NCAM2: variants seen among roughly 807,000 people sequenced by gnomAD.
The protein encoded by NCAM2 is N-CAM-2.
A neutral mutation model predicts 98.1 loss-of-function variants in NCAM2; 30 were observed. That is an observed-to-expected ratio of 0.31 (90% confidence interval 0.23 to 0.41). The LOEUF is 0.41. NCAM2 is among the 10% of genes least tolerant of loss of function. The pLI, the probability that NCAM2 is intolerant of heterozygous loss-of-function variation, is 1.00. For synonymous variants in NCAM2, 368 were observed against 342.4 expected (o/e 1.07, Z -0.83); for missense variants, 867 against 1,005.8 (o/e 0.86, Z 1.87).
At chr21:21,435,748 ACTTGAGATTAAGAGTAC>A (rs1978308306) in intron 12 of NCAM2, among the ~76,000 whole-genome samples, 1 of 152,110 alleles carries the variant, frequency 6.6e-6, no homozygotes. Context: ...TATTCTTTCT[ACTTGAGATTAAGAGTAC>A]CTGTGTAATG....
At chr21:21,040,366 T>A (rs886969045) in intron 1 of NCAM2, among the ~76,000 whole-genome samples, 1 of 152,160 alleles carries the variant, frequency 6.6e-6, no homozygotes, top group Non-Finnish European at 1.5e-5. Flanking sequence ...GAATGAACCA[T>A]GACTTTATGT....
intron 12 of NCAM2, among the ~76,000 whole-genome samples, chr21:21,448,596 A>G (rs1980556055): frequency 6.6e-6 from 1 of 152,068 alleles, no homozygotes; most frequent in African/African-American, 2.4e-5. Flanking sequence ...TAAAATCTTA[A>G]TGAGTTACAG....
chr21:21,156,791 A>G (rs2067627267), intron 1 of NCAM2, among the ~76,000 whole-genome samples: 1 of 152,114 alleles, frequency 6.6e-6, no homozygotes, highest in Non-Finnish European at 1.5e-5. Context: ...AAACCTAAAC[A>G]TAAAGTTACA....
At position 21,538,206 on chromosome 21, in the gene NCAM2, G is replaced by A. The variant is rs1185204538; in HGVS notation, c.*249G>A. On this transcript the variant is annotated 3_prime_UTR_variant, in exon 18 of 18. Transcript: ENST00000400546. Reference sequence around the variant, plus strand: ...AAGACTGACTGGCACCAACACTTTGGTATTCAATTTGATTCTATGACTGAA... The same window carrying A: ...AAGACTGACTGGCACCAACACTTTGATATTCAATTTGATTCTATGACTGAA... The A allele has an allele frequency of 7.9e-6, 2 of 254,570 alleles. No individual in the cohort carries two copies. The highest frequency in any genetic ancestry group is 1.5e-5 in the Non-Finnish European group (2 of 133,548). 15.8% of individuals were successfully genotyped at this position (254,570 alleles called of 1,614,324 possible).
At chr21:21,033,140 G>A (rs984937090) in intron 1 of NCAM2, among the ~76,000 whole-genome samples, 23 of 151,964 alleles carry the variant, frequency 1.5e-4, no homozygotes, top group African/African-American at 5.3e-4. Flanking sequence ...TAGTAGAGAC[G>A]GGGTTTCACC....
chr21:21,336,276 T>G (rs1467885606), intron 7 of NCAM2, among the ~76,000 whole-genome samples: 1 of 152,000 alleles, frequency 6.6e-6, no homozygotes, highest in Non-Finnish European at 1.5e-5. Flanking sequence ...AGTGTAACAC[T>G]AAAAAATATA....
chr21:21,171,863 G>A (rs977440581), intron 1 of NCAM2, among the ~76,000 whole-genome samples: 1 of 152,118 alleles, frequency 6.6e-6, no homozygotes, highest in Admixed American at 6.5e-5. Context: ...TTTTCGCTTG[G>A]TAGGTTAAAT....
chr21:21,481,682 GCA>G (rs1293383772), intron 15 of NCAM2, among the ~76,000 whole-genome samples: 2 of 152,204 alleles, frequency 1.3e-5, no homozygotes, highest in East Asian at 3.9e-4. Flanking sequence ...ACACATACAG[GCA>G]CACAGACAAA....
chr21:21,116,783 A>G (rs551861494), intron 1 of NCAM2, among the ~76,000 whole-genome samples: 1 of 152,106 alleles, frequency 6.6e-6, no homozygotes, highest in Non-Finnish European at 1.5e-5. Context: ...TGAACCCAGG[A>G]GGCGGAGCTT....
At chr21:21,296,982 G>A (rs2073510142) in intron 5 of NCAM2, among the ~76,000 whole-genome samples, 1 of 151,620 alleles carries the variant, frequency 6.6e-6, no homozygotes, top group Admixed American at 6.6e-5. Flanking sequence ...AGATTACAAG[G>A]ACTTGAAGCA....
At chr21:21,522,612 C>A (rs1389278264) in intron 16 of NCAM2, among the ~76,000 whole-genome samples, 6 of 117,810 alleles carry the variant, frequency 5.1e-5, no homozygotes, top group Admixed American at 1.9e-4. Context: ...TGAACAAGTT[C>A]TTTTTTTCTT....
intron 15 of NCAM2, among the ~76,000 whole-genome samples, chr21:21,507,536 G>A (rs1417920398): frequency 6.6e-6 from 1 of 152,048 alleles, no homozygotes; most frequent in Non-Finnish European, 1.5e-5. Context: ...GCTCATGCCT[G>A]TAATCCCAGC....
At position 21,368,921 on chromosome 21, in the gene NCAM2, G is replaced by C. The variant is rs115034458; in HGVS notation, c.1045-4942G>C. Among the ~76,000 whole-genome samples, 94 of 151,622 alleles carry C rather than the reference G, an allele frequency of 6.2e-4. 1 individual carries two copies. The highest frequency in any genetic ancestry group is 2.1e-3 in the African/African-American group (87 of 41,362). The stretch of plus-strand genomic sequence containing the variant: ...CTATCCTGTCCATTTCCAATTGTTC[G>C]TAAAACACCCAATAACCTTCAACTG... On this transcript the variant is annotated intron_variant, in intron 8 of 17. Transcript: ENST00000400546.
intron 1 of NCAM2, chr21:21,226,555 T>A (rs2070391173): frequency 6.6e-6 from 1 of 152,130 alleles, no homozygotes; most frequent in South Asian, 2.1e-4. Flanking sequence ...ATGTCTATTA[T>A]GTTTGTTTCA....
chr21:21,147,340 G>GCT, intron 1 of NCAM2: 1 of 945,872 alleles, frequency 1.1e-6, no homozygotes. Flanking sequence ...GAAAGAAGGG[G>GCT]CTAGAATCAG....
intron 16 of NCAM2, among the ~76,000 whole-genome samples, chr21:21,525,824 A>G (rs550863393): frequency 6.6e-6 from 1 of 152,166 alleles, no homozygotes; most frequent in African/African-American, 2.4e-5. Context: ...AGTGGGATTT[A>G]TCCCAGGTAT....
chr21:21,298,784 A>G (rs2073593908), intron 5 of NCAM2, among the ~76,000 whole-genome samples: 1 of 151,612 alleles, frequency 6.6e-6, no homozygotes, highest in African/African-American at 2.4e-5. Context: ...TAGTGTCATA[A>G]TATCATATTT....
chr21:21,051,566 T>C (rs1018620380), intron 1 of NCAM2, among the ~76,000 whole-genome samples: 3 of 152,216 alleles, frequency 2.0e-5, no homozygotes, highest in Admixed American at 2.0e-4. Flanking sequence ...TCTTAGGCTG[T>C]GTTAGGCTGG....
intron 12 of NCAM2, among the ~76,000 whole-genome samples, chr21:21,442,978 C>A (rs1032683756): frequency 6.6e-6 from 1 of 152,130 alleles, no homozygotes; most frequent in Non-Finnish European, 1.5e-5. Context: ...TTTAACTATA[C>A]AAAAATTTTC....
Sources: gnomAD v4.1 joint callset for allele counts (sites outside exome capture counted in the v4.1 genomes callset) on GRCh38, gnomAD v4.1.1 for gene constraint, MANE v1.5 for transcripts, NCBI Gene and HGNC (gene_info 2026-07-23, HGNC 2026-07-21) for gene names.